The following SULT1C3 variants were observed in gnomAD, a reference collection of about 807,000 sequenced individuals.
SULT1C3 encodes the protein sulfotransferase 1C3.
Under a neutral mutation model 28.4 loss-of-function variants are expected in SULT1C3, and 31 were observed. The observed-to-expected ratio is 1.09, with a 90% CI of 0.82 to 1.47. The LOEUF (loss-of-function observed/expected upper bound fraction) is 1.47, where lower values mean the gene tolerates loss of function less well. Among genes scored for constraint, SULT1C3 ranks in the 40% most tolerant of loss-of-function variants. The probability of loss-of-function intolerance (pLI) is 0.00; values close to 1 mark genes in which losing one functional copy is unlikely to be tolerated. For synonymous variants in SULT1C3, 106 were observed against 92.2 expected (o/e 1.15, Z -0.86); for missense variants, 307 against 272.5 (o/e 1.13, Z -0.89).
chr2:108,242,549 G>C (rs1675487589), intron 1 of SULT1C3, among the ~76,000 whole-genome samples: 4 of 152,114 alleles, frequency 2.6e-5, no homozygotes. Flanking sequence ...ATGCTTCTCT[G>C]ATTTATTACT....
In SULT1C3 at chr2:108,258,699, G is replaced by A. The variant is rs759241195; in HGVS notation, c.527-35G>A. ...CTTTATAGCCTTGGGTTTTGTCCCA[G>A]TACTGGGAACTAACAGTGCTCTGAC... On this transcript the variant is annotated intron_variant, in intron 5 of 7. Transcript: ENST00000681802. The A allele has an allele frequency of 3.1e-5, 48 of 1,540,340 alleles. No homozygotes were observed. The Admixed American group carries it at 7.9e-4, about 25-fold the overall frequency.
intron 4 of SULT1C3, 29 bp downstream of exon 4, chr2:108,253,471 C>T: frequency 1.6e-6 from 2 of 1,238,534 alleles, no homozygotes; most frequent in South Asian, 3.8e-5. Flanking sequence ...TCAAACTTCT[C>T]TTAGCTTGGT....
At chr2:108,247,405 C>T (rs568388919) in intron 2 of SULT1C3, 39 bp downstream of exon 2, 64 of 1,449,734 alleles carry the variant, frequency 4.4e-5, no homozygotes, top group Middle Eastern at 1.8e-4. Context: ...AATATTTTCA[C>T]GTGAAATTAT....
At chr2:108,264,701 A>C, downstream of SULT1C3, 2 of 1,000,496 alleles carry the variant, frequency 2.0e-6, no homozygotes, top group African/African-American at 3.3e-5. Flanking sequence ...TCACTTGAGA[A>C]ATATTTTTAA....
At chr2:108,245,006 T>C (rs1196309997) in intron 1 of SULT1C3, among the ~76,000 whole-genome samples, 1 of 152,194 alleles carries the variant, frequency 6.6e-6, no homozygotes. Flanking sequence ...GAAGATGATC[T>C]GTTACCCATC....
rs767300866 is a variant in SULT1C3, at chr2:108,253,325, T to G, written c.302-20T>G. 1 of 1,465,340 alleles carries G rather than the reference T, an allele frequency of 6.8e-7. No individual in the cohort carries two copies. The highest frequency in any genetic ancestry group is 9.1e-7 in the Non-Finnish European group (1 of 1,094,534). The allele number at this position is 1,465,340 out of a possible 1,614,324, so 90.8% of individuals were successfully genotyped here. A position where few individuals can be genotyped will look rare whatever the true frequency, so the allele number is the denominator to read the frequency against. On this transcript the variant is annotated intron_variant, in intron 3 of 7. Transcript: ENST00000681802. ...CAGAGTGCCAAGAATAAACAAAGAATATAAATTGTTTCTTGCTAGATTTGG... is the reference window on the plus strand; with the variant it reads ...CAGAGTGCCAAGAATAAACAAAGAAGATAAATTGTTTCTTGCTAGATTTGG...
At chr2:108,258,218 G>A (rs1675926989) in intron 5 of SULT1C3, among the ~76,000 whole-genome samples, 1 of 152,020 alleles carries the variant, frequency 6.6e-6, no homozygotes, top group African/African-American at 2.4e-5. Context: ...GGCTAACTCA[G>A]GTGTCCACTC....
downstream of SULT1C3, among the ~76,000 whole-genome samples, chr2:108,262,540 C>T (rs935706762): frequency 7.2e-5 from 11 of 152,052 alleles, no homozygotes; most frequent in South Asian, 4.1e-4. Context: ...GATGGGATCA[C>T]GGGTTTTGGG....
intron 5 of SULT1C3, among the ~76,000 whole-genome samples, chr2:108,257,670 A>T (rs1675908383): frequency 6.6e-6 from 1 of 152,078 alleles, no homozygotes; most frequent in Non-Finnish European, 1.5e-5. Context: ...CTGTTTTATT[A>T]TTAGTTTTGT....
At chr2:108,264,720 C>T (rs552549303), downstream of SULT1C3, 3 of 1,149,128 alleles carry the variant, frequency 2.6e-6, no homozygotes, top group African/African-American at 3.1e-5. Flanking sequence ...AAAATGTGTT[C>T]AAATGATCCT....
intron 2 of SULT1C3, among the ~76,000 whole-genome samples, chr2:108,248,237 A>G (rs1277495208): frequency 1.3e-5 from 2 of 152,164 alleles, no homozygotes; most frequent in African/African-American, 2.4e-5. Flanking sequence ...CAAAAGAATG[A>G]TCACTAACTG....
intron 2 of SULT1C3, among the ~76,000 whole-genome samples, chr2:108,248,995 T>C (rs1455961844): frequency 6.6e-6 from 1 of 152,102 alleles, no homozygotes; most frequent in Non-Finnish European, 1.5e-5. Context: ...GATTTAATGA[T>C]GAAGAGAGAA....
chr2:108,257,734 G>T (rs1558665881), intron 5 of SULT1C3, among the ~76,000 whole-genome samples: 2 of 152,012 alleles, frequency 1.3e-5, no homozygotes, highest in African/African-American at 4.8e-5. Context: ...ACACATCTAT[G>T]TATAGGAAAA....
chr2:108,254,648 A>G (rs573615957), intron 4 of SULT1C3, among the ~76,000 whole-genome samples: 15 of 151,774 alleles, frequency 9.9e-5, no homozygotes, highest in African/African-American at 3.6e-4. Context: ...ATTTCCAATC[A>G]TCACATCACC....
At chr2:108,247,457 G>C in intron 2 of SULT1C3, 91 bp downstream of exon 2, 1 of 1,227,878 alleles carries the variant, frequency 8.1e-7, no homozygotes, top group Non-Finnish European at 1.1e-6. Context: ...TTGGGATTTG[G>C]AGAGAAACAA....
intron 1 of SULT1C3, among the ~76,000 whole-genome samples, chr2:108,246,669 A>G (rs1042881440): frequency 3.3e-5 from 5 of 152,208 alleles, no homozygotes; most frequent in African/African-American, 1.2e-4. Context: ...ACATGAAATT[A>G]TGTTTTTTGA....
intron 1 of SULT1C3, among the ~76,000 whole-genome samples, chr2:108,243,220 T>C (rs977490488): frequency 2.0e-5 from 3 of 152,228 alleles, no homozygotes; most frequent in African/African-American, 7.2e-5. Flanking sequence ...AGCTCCATTT[T>C]GTTTCCAGCG....
intron 1 of SULT1C3, 123 bp from the exon 2 acceptor site, chr2:108,247,065 A>G: frequency 1.6e-6 from 1 of 637,688 alleles, no homozygotes; most frequent in African/African-American, 1.9e-5. Flanking sequence ...TTAGCATGTT[A>G]TATGTTAGCT....
intron 2 of SULT1C3, among the ~76,000 whole-genome samples, chr2:108,251,637 GA>G (rs1394913348): frequency 3.9e-5 from 6 of 151,974 alleles, no homozygotes; most frequent in African/African-American, 7.2e-5. Flanking sequence ...GTACTGTGAA[GA>G]AATAATCAGA....
Sources: allele counts gnomAD v4.1 joint callset (sites outside exome capture counted in the v4.1 genomes callset), GRCh38; gene constraint gnomAD v4.1.1; transcripts MANE v1.5; gene names NCBI Gene and HGNC (gene_info 2026-07-23, HGNC 2026-07-21).